The following FZD3 variants were observed in gnomAD, a reference collection of about 807,000 sequenced individuals.
FZD3 encodes the protein frizzled-3.
A neutral mutation model predicts 60.7 loss-of-function variants in FZD3; 30 were observed. That is an observed-to-expected ratio of 0.49 (90% CI 0.37 to 0.67). The LOEUF (loss-of-function observed/expected upper bound fraction) is 0.67. FZD3 is among the 30% of genes least tolerant of loss of function. FZD3 has a pLI of 0.00. For missense variants in FZD3, 605 were observed against 838.7 expected (o/e 0.72, Z 3.44); for synonymous variants, 246 against 275.2 (o/e 0.89, Z 1.05).
chr8:28,506,177 G>A lies in FZD3; in HGVS notation c.189+2975G>A, dbSNP rs566867217. On this transcript the variant is annotated intron_variant, in intron 3 of 7. Coordinates refer to ENST00000240093, the MANE Select transcript of FZD3 (RefSeq NM_017412.4). ...GAGCCACCTATTATCAGGTATTTACGACTCTAGTGGTAATAAAAGAGATCT... is the reference window on the plus strand; with the variant it reads ...GAGCCACCTATTATCAGGTATTTACAACTCTAGTGGTAATAAAAGAGATCT... Among the ~76,000 whole-genome samples the A allele has an allele frequency of 3.3e-5, 5 of 152,262 alleles. No individual in the cohort carries two copies. In the South Asian group the frequency reaches 1.0e-3, roughly 32 times the overall value.
intron 3 of FZD3, among the ~76,000 whole-genome samples, chr8:28,506,314 A>C (rs1804139556): frequency 6.6e-6 from 1 of 152,230 alleles, no homozygotes; most frequent in South Asian, 2.1e-4. Context: ...GTCACTAACT[A>C]GGTTTGAGAC....
intron 5 of FZD3, among the ~76,000 whole-genome samples, chr8:28,546,283 A>G (rs1223881658): frequency 6.6e-6 from 1 of 152,208 alleles, no homozygotes; most frequent in Non-Finnish European, 1.5e-5. Flanking sequence ...GGCCCATAAG[A>G]TGCAGTTCCA....
intron 5 of FZD3, chr8:28,530,272 T>A (rs1804834410): frequency 1.3e-5 from 2 of 152,136 alleles, no homozygotes; most frequent in South Asian, 4.1e-4. Context: ...TTACTTTCAT[T>A]AATTACTTAA....
intron 4 of FZD3, among the ~76,000 whole-genome samples, chr8:28,524,594 C>A (rs539593733): frequency 1.3e-5 from 2 of 152,296 alleles, no homozygotes; most frequent in Admixed American, 6.5e-5. Context: ...ACTGTTCCTT[C>A]TCAATTTCCT....
chr8:28,561,389 A>G, intron 7 of FZD3, among the ~76,000 whole-genome samples: 1 of 152,216 alleles, frequency 6.6e-6, no homozygotes, highest in East Asian at 1.9e-4. Flanking sequence ...TTTTTTTCAA[A>G]GGACTTCTCA....
At chr8:28,554,810 G>A (rs933983691) in intron 6 of FZD3, among the ~76,000 whole-genome samples, 1 of 152,024 alleles carries the variant, frequency 6.6e-6, no homozygotes, top group South Asian at 2.1e-4. Context: ...TGTAATATGA[G>A]AATTTATAAT....
At chr8:28,520,509 T>A in intron 3 of FZD3, 129 bp from the exon 4 acceptor site, 1 of 569,768 alleles carries the variant, frequency 1.8e-6, no homozygotes, top group Non-Finnish European at 3.0e-6. Flanking sequence ...AAACAAAAAC[T>A]CCCCTTCAGA....
Position 28,527,076 on chromosome 8 carries a change from A to G in FZD3, c.387-71A>G, listed in dbSNP as rs1000249895. ...TAAGGTTGTGAGTGCCAGATTTGGA[A>G]ATCCAAACTGTTAGATCGTGATAGA... is the stretch of plus-strand genomic sequence containing the variant. On this transcript the variant is annotated intron_variant, in intron 4 of 7. Transcript: ENST00000240093. This position sits in a 1 kb window ranked among gnomAD's most constrained non-coding sequence, Gnocchi z 5.0. The G allele has an allele frequency of 2.2e-6, 3 of 1,348,930 alleles. No homozygotes were observed. Among genetic ancestry groups the G allele is most frequent in the South Asian group, 2.8e-5 (2 of 71,348 alleles). 83.6% of individuals were successfully genotyped at this position (1,348,930 alleles called of 1,614,324 possible). A position where few individuals can be genotyped will look rare whatever the true frequency, so the allele number is the denominator to read the frequency against.
At chr8:28,531,321 A>G (rs911962555) in intron 5 of FZD3, among the ~76,000 whole-genome samples, 1 of 152,140 alleles carries the variant, frequency 6.6e-6, no homozygotes, top group Non-Finnish European at 1.5e-5. Flanking sequence ...GAGAATATAT[A>G]TGTTGATATG....
intron 5 of FZD3, among the ~76,000 whole-genome samples, chr8:28,547,141 G>T (rs964502587): frequency 1.3e-5 from 2 of 152,056 alleles, no homozygotes; most frequent in African/African-American, 4.8e-5. Flanking sequence ...ATGTTCACGC[G>T]TGTACAAACA....
At chr8:28,545,882 C>A (rs1025035176) in intron 5 of FZD3, among the ~76,000 whole-genome samples, 1 of 152,156 alleles carries the variant, frequency 6.6e-6, no homozygotes, top group African/African-American at 2.4e-5. Flanking sequence ...ATGTTTCAGT[C>A]AACCGTAGAC....
chr8:28,540,456 A>C (rs1805135007), intron 5 of FZD3, among the ~76,000 whole-genome samples: 1 of 152,090 alleles, frequency 6.6e-6, no homozygotes, highest in African/African-American at 2.4e-5. Flanking sequence ...TGAACTCCTG[A>C]CCTCAGGTGA....
intron 5 of FZD3, among the ~76,000 whole-genome samples, chr8:28,544,630 G>A (rs1157672889): frequency 3.3e-5 from 5 of 152,140 alleles, no homozygotes; most frequent in Middle Eastern, 3.4e-3. Flanking sequence ...GATTATGCAC[G>A]TATAGTCTTT....
intron 5 of FZD3, among the ~76,000 whole-genome samples, chr8:28,531,494 A>T (rs1470626411): frequency 2.6e-5 from 4 of 152,164 alleles, no homozygotes; most frequent in Non-Finnish European, 5.9e-5. Flanking sequence ...TTAAATATGA[A>T]CAAGAGTTTC....
chr8:28,531,046 ATGTATC>A (rs1804860535), intron 5 of FZD3, among the ~76,000 whole-genome samples: 1 of 152,174 alleles, frequency 6.6e-6, no homozygotes, highest in Non-Finnish European at 1.5e-5. Context: ...ATTATGGCAT[ATGTATC>A]TGTATCTGTT....
At chr8:28,545,468 AAG>A (rs71772710) in intron 5 of FZD3, among the ~76,000 whole-genome samples, 66 of 152,334 alleles carry the variant, frequency 4.3e-4, no homozygotes, top group Admixed American at 3.0e-3. Flanking sequence ...GGGAAACAGA[AAG>A]AGAGAAAGGT....
intron 5 of FZD3, among the ~76,000 whole-genome samples, chr8:28,543,328 T>C (rs540768534): frequency 7.9e-5 from 12 of 152,152 alleles, no homozygotes; most frequent in Non-Finnish European, 1.8e-4. Flanking sequence ...CCAGTGTGAT[T>C]TGAAGTCTGC....
intron 5 of FZD3, among the ~76,000 whole-genome samples, chr8:28,529,641 A>G (rs1342887676): frequency 6.6e-6 from 1 of 152,168 alleles, no homozygotes; most frequent in East Asian, 1.9e-4. Context: ...TGAGAATGCC[A>G]ATTTCCCTTT....
intron 5 of FZD3, among the ~76,000 whole-genome samples, chr8:28,534,582 G>A (rs529016875): frequency 3.2e-4 from 48 of 152,050 alleles, no homozygotes; most frequent in African/African-American, 8.0e-4. Flanking sequence ...ATCAATCAGT[G>A]AGACTCTGTA....
Sources: gnomAD v4.1 joint callset for allele counts (sites outside exome capture counted in the v4.1 genomes callset) on GRCh38, gnomAD v4.1.1 for gene constraint, Gnocchi (gnomAD v3.1) non-coding constraint, MANE v1.5 for transcripts, NCBI Gene and HGNC (gene_info 2026-07-23, HGNC 2026-07-21) for gene names.